Variants in GRM5 observed in about 807,000 individuals in gnomAD.
GRM5 encodes metabotropic glutamate receptor 5.
In GRM5, 19 loss-of-function variants were observed where a neutral mutation model predicts 83.1. The ratio of observed to expected loss-of-function variants is 0.23; its 90% confidence interval spans 0.16 to 0.34. GRM5 has a LOEUF of 0.34. GRM5 is among the 10% of genes least tolerant of loss of function. The pLI, the probability that GRM5 is intolerant of heterozygous loss-of-function variation, is 1.00. For missense variants in GRM5, 1,160 were observed against 1,588.3 expected, an observed-to-expected ratio of 0.73 and a Z score of 4.58; for synonymous variants, 675 against 633.6, an observed-to-expected ratio of 1.07 and a Z score of -0.98.
chr11:88,691,690 A>T (rs762252820), intron 3 of GRM5, among the ~76,000 whole-genome samples: 11 of 152,120 alleles, frequency 7.2e-5, no homozygotes, highest in Non-Finnish European at 2.9e-5. Flanking sequence ...TTAAGCTGGA[A>T]TTTTAGGGTT....
intron 2 of GRM5, among the ~76,000 whole-genome samples, chr11:88,985,466 T>A (rs1180005467): frequency 6.6e-6 from 1 of 152,116 alleles, no homozygotes. Flanking sequence ...ACAGTTGAGC[T>A]TACCCCATGA....
intron 2 of GRM5, among the ~76,000 whole-genome samples, chr11:88,952,017 A>G (rs1938480162): frequency 6.6e-6 from 1 of 152,154 alleles, no homozygotes; most frequent in Non-Finnish European, 1.5e-5. Flanking sequence ...TCTGAAATGC[A>G]GTTCTGTTCC....
Position 88,567,082 on chromosome 11 carries a change from C to G in GRM5, c.2601G>C (p.Lys867Asn). The part of the protein sequence containing the change: ...SRSSSLVNLW[K>N]RRGSSGETLR... The stretch of plus-strand genomic sequence containing the variant: ...AGGTTTCCCCAGAGGAGCCCCTTCT[C>G]TTCCACAGGTTGACTAGGCTGCTGG... Residue 867 changes from lysine (K) to asparagine (N), a missense_variant, in exon 8 of 10, where the codon AAG (lysine) becomes AAC (asparagine). This residue lies in a region of GRM5 where 562 missense variants were observed against 532.4 expected (regional missense o/e 1.06). Transcript: ENST00000305447. The surrounding 1 kb of genome is among the most constrained non-coding windows in gnomAD (Gnocchi z 7.3). The G allele has an allele frequency of 1.2e-6, 2 of 1,613,200 alleles. No individual in the cohort carries two copies. Among genetic ancestry groups the G allele is most frequent in the Non-Finnish European group, 1.7e-6 (2 of 1,179,400 alleles).
In GRM5 at chr11:88,934,096, T is replaced by C. The variant is rs190653952; in HGVS notation, c.662-83941A>G. Among the ~76,000 whole-genome samples, 203 of 151,928 alleles carry C rather than the reference T, an allele frequency of 1.3e-3. 1 individual carries two copies. Among genetic ancestry groups the C allele is most frequent in the African/African-American group, 4.6e-3 (191 of 41,540 alleles). ...AAAAAGCAAACAAAAAATCTTCATT[T>C]CACACTGCCACACAACTCACTTCTC... is the stretch of plus-strand genomic sequence containing the variant. On this transcript the variant is annotated intron_variant, in intron 2 of 9. Transcript: ENST00000305447.
chr11:88,888,696 C>A (rs950634049), intron 2 of GRM5, among the ~76,000 whole-genome samples: 3 of 152,056 alleles, frequency 2.0e-5, no homozygotes, highest in Non-Finnish European at 2.9e-5. Context: ...TAATAAGGAT[C>A]ACTATTTATA....
intron 4 of GRM5, among the ~76,000 whole-genome samples, chr11:88,626,102 T>C (rs565250535): frequency 6.6e-6 from 1 of 152,304 alleles, no homozygotes; most frequent in South Asian, 2.1e-4. Context: ...TTTTGTAAAT[T>C]GAGAGCAGCC....
At chr11:88,979,238 G>T (rs1040432910) in intron 2 of GRM5, among the ~76,000 whole-genome samples, 1 of 152,154 alleles carries the variant, frequency 6.6e-6, no homozygotes, top group Non-Finnish European at 1.5e-5. Flanking sequence ...TAAAACAACA[G>T]TAGCCTCTCA....
chr11:88,925,952 A>G (rs1258211638), intron 2 of GRM5: 5 of 292,078 alleles, frequency 1.7e-5, no homozygotes, highest in African/African-American at 1.1e-4. Context: ...TTTCCTGCCC[A>G]TTAAAACTTT....
At chr11:88,664,070 G>C (rs1173798894) in intron 3 of GRM5, among the ~76,000 whole-genome samples, 1 of 152,008 alleles carries the variant, frequency 6.6e-6, no homozygotes, top group Non-Finnish European at 1.5e-5. Flanking sequence ...CATTGTACTT[G>C]CTAAGTTCTC....
intron 2 of GRM5, among the ~76,000 whole-genome samples, chr11:88,878,739 G>C (rs951336872): frequency 1.1e-4 from 16 of 152,074 alleles, no homozygotes; most frequent in African/African-American, 3.4e-4. Context: ...CCATACAATG[G>C]AATACTCATC....
intron 1 of GRM5, among the ~76,000 whole-genome samples, chr11:89,065,236 G>A (rs1213997419): frequency 6.6e-6 from 1 of 150,772 alleles, no homozygotes; most frequent in African/African-American, 2.4e-5. Context: ...AAAGATAGAG[G>A]AGCCCATCTC....
rs115412212 is a variant in GRM5 at position 88,763,029 on chromosome 11, G to C, written c.911+86877C>G. The stretch of plus-strand genomic sequence containing the variant: ...ACGTGGGAGACTACCAGGGGTTGGA[G>C]CGGGAAAGGAGGGAGAGGATCAGGA... On this transcript the variant is annotated intron_variant, in intron 3 of 9. Transcript: ENST00000305447. Among the ~76,000 whole-genome samples the C allele has an allele frequency of 3.8e-3, 573 of 152,040 alleles. 1 individual carries two copies. The highest frequency in any genetic ancestry group is 0.013 in the African/African-American group (538 of 41,532).
chr11:88,905,177 C>T (rs1204114430), intron 2 of GRM5, among the ~76,000 whole-genome samples: 1 of 152,102 alleles, frequency 6.6e-6, no homozygotes, highest in Non-Finnish European at 1.5e-5. Context: ...GAGAGAAGAT[C>T]GTGAGGTAGG....
At chr11:89,060,014 T>G (rs1354613151) in intron 1 of GRM5, among the ~76,000 whole-genome samples, 1 of 152,104 alleles carries the variant, frequency 6.6e-6, no homozygotes, top group Non-Finnish European at 1.5e-5. Flanking sequence ...ACACAAGTAG[T>G]AAGCCACAAA....
intron 4 of GRM5, among the ~76,000 whole-genome samples, chr11:88,610,753 A>G (rs1315441357): frequency 2.6e-5 from 4 of 152,182 alleles, no homozygotes; most frequent in Non-Finnish European, 5.9e-5. Flanking sequence ...TTCCAGCACT[A>G]CATTGAATAC....
chr11:89,006,764 A>G (rs12283766), intron 2 of GRM5, among the ~76,000 whole-genome samples: 88,402 of 152,036 alleles, frequency 0.58, 25,753 homozygotes, highest in South Asian at 0.72. Context: ...CTTTGCCTAT[A>G]TAATTTCAAA....
intron 2 of GRM5, among the ~76,000 whole-genome samples, chr11:89,014,850 T>G (rs2135097462): frequency 6.6e-6 from 1 of 152,308 alleles, no homozygotes; most frequent in African/African-American, 2.4e-5. Flanking sequence ...TTTAAAAATT[T>G]TAAAAGCTTT....
At chr11:88,707,229 A>T (rs1478905828) in intron 3 of GRM5, among the ~76,000 whole-genome samples, 1 of 152,158 alleles carries the variant, frequency 6.6e-6, no homozygotes, top group African/African-American at 2.4e-5. Flanking sequence ...AAAATATTAC[A>T]GTAGCTATCA....
chr11:88,892,067 T>C (rs1430980129), intron 2 of GRM5, among the ~76,000 whole-genome samples: 1 of 152,064 alleles, frequency 6.6e-6, no homozygotes, highest in Non-Finnish European at 1.5e-5. Flanking sequence ...TTTGTTTCTC[T>C]GTACCTGGTT....
Sources: allele counts gnomAD v4.1 joint callset (sites outside exome capture counted in the v4.1 genomes callset), GRCh38; gene constraint gnomAD v4.1.1; regional missense constraint gnomAD v4.1.1; non-coding constraint Gnocchi (gnomAD v3.1); transcripts MANE v1.5; gene names NCBI Gene and HGNC (gene_info 2026-07-23, HGNC 2026-07-21).